The following TAF4 variants were observed in gnomAD, a reference collection of about 807,000 sequenced individuals.
TAF4 encodes TATA-box binding protein associated factor 4.
TAF4 carries 9 observed loss-of-function variants against 90.3 expected under a neutral mutation model. The ratio of observed to expected loss-of-function variants is 0.10; its 90% CI spans 0.06 to 0.17. The LOEUF is 0.17. TAF4 is among the 10% of genes least tolerant of loss of function. TAF4 has a pLI of 1.00. For missense variants in TAF4, 1,351 were observed against 1,370.7 expected, an observed-to-expected ratio of 0.99 and a Z score of 0.23; for synonymous variants, 818 against 638.9, an observed-to-expected ratio of 1.28 and a Z score of -4.23.
intron 9 of TAF4, among the ~76,000 whole-genome samples, chr20:62,002,179 T>A (rs2055709795): frequency 6.6e-6 from 1 of 152,184 alleles, no homozygotes. Flanking sequence ...CTAAGTGCCC[T>A]CCCTTCTCAC....
At chr20:62,056,311 A>G (rs1659753024) in intron 1 of TAF4, among the ~76,000 whole-genome samples, 2 of 152,358 alleles carry the variant, frequency 1.3e-5, no homozygotes, top group South Asian at 2.1e-4. Flanking sequence ...CAACATCCAC[A>G]TGAACGAGGT....
chr20:61,979,712 T>A (rs1209182245), intron 14 of TAF4, among the ~76,000 whole-genome samples: 1 of 147,454 alleles, frequency 6.8e-6, no homozygotes, highest in Admixed American at 6.7e-5. Flanking sequence ...CCAGAGGGAC[T>A]GTGGCCCGTG....
rs1173320571 is a variant in TAF4, at chr20:62,065,465, G to A, written c.346C>T (p.Pro116Ser). The change falls in exon 1 of 15, where the codon CCC (proline) becomes TCC (serine). Residue 116 changes from proline to serine, a missense_variant. Pro to Ser is a moderately conservative substitution (Grantham distance 74). This residue lies in a region of TAF4 where 782 missense variants were observed against 536.6 expected (regional missense o/e 1.46). Transcript: ENST00000252996. ...GCGGCGGGCGGCGCGGGCCCTGCGG[G>A]GACAAGGGGGCGGCGCGGTGAGGGG... is the stretch of plus-strand genomic sequence containing the variant. ...GPPSPRRPLV[P>S]AGPAPPAAKL... The A allele has an allele frequency of 7.2e-6, 7 of 976,214 alleles. No individual in the cohort carries two copies. Among genetic ancestry groups the A allele is most frequent in the African/African-American group, 1.8e-5 (1 of 56,154 alleles). 60.5% of individuals were successfully genotyped at this position (976,214 alleles called of 1,614,324 possible). A position where few individuals can be genotyped will look rare whatever the true frequency, so the allele number is the denominator to read the frequency against.
chr20:61,984,123 A>T (rs528486548), intron 14 of TAF4, among the ~76,000 whole-genome samples: 31 of 152,352 alleles, frequency 2.0e-4, no homozygotes, highest in Admixed American at 7.8e-4. Context: ...CTAAGCCAGC[A>T]GCCGGAAGAC....
chr20:62,052,049 C>T (rs956560462), intron 1 of TAF4, among the ~76,000 whole-genome samples: 4 of 152,166 alleles, frequency 2.6e-5, no homozygotes, highest in Non-Finnish European at 5.9e-5. Context: ...GCCACCTTCC[C>T]CTTCTGCGTC....
chr20:62,063,125 G>A (rs1457053244), intron 1 of TAF4, among the ~76,000 whole-genome samples: 1 of 152,078 alleles, frequency 6.6e-6, no homozygotes, highest in East Asian at 1.9e-4. Context: ...CAGCAACCCC[G>A]GGAAGTAGCT....
chr20:61,997,078 G>A (rs2055667935), intron 14 of TAF4, among the ~76,000 whole-genome samples: 1 of 152,092 alleles, frequency 6.6e-6, no homozygotes, highest in Non-Finnish European at 1.5e-5. Context: ...GTCAAGGCTG[G>A]GTTTATAATT....
intron 14 of TAF4, among the ~76,000 whole-genome samples, chr20:61,976,797 G>A (rs1386026161): frequency 6.6e-6 from 1 of 152,218 alleles, no homozygotes; most frequent in Non-Finnish European, 1.5e-5. Flanking sequence ...CTGGGACTGG[G>A]CATGCTGGGT....
At chr20:61,979,540 G>A (rs1225940481) in intron 14 of TAF4, among the ~76,000 whole-genome samples, 6 of 145,422 alleles carry the variant, frequency 4.1e-5, no homozygotes, top group African/African-American at 1.0e-4. Flanking sequence ...CCGTGCAGGC[G>A]CCATGGCCAC....
At chr20:62,055,690 G>T (rs566115627) in intron 1 of TAF4, among the ~76,000 whole-genome samples, 1 of 152,340 alleles carries the variant, frequency 6.6e-6, no homozygotes, top group South Asian at 2.1e-4. Flanking sequence ...GGTCCCAGCT[G>T]CATGTGGCTG....
rs1198278771 is a variant in TAF4 at position 62,012,888 on chromosome 20, A to G, written c.1568T>C (p.Ile523Thr). ...CTGGGCCTGAGACACTTGCTTAATT[A>G]TGGTAGTTGGGGTCACCTGCCGTGC... is the stretch of plus-strand genomic sequence containing the variant. ...IIARQVTPTTIIKQVSQAQTT... is the reference protein window; with the variant it reads ...IIARQVTPTTTIKQVSQAQTT... The change falls in exon 3 of 15, where the codon ATA (isoleucine) becomes ACA (threonine). Residue 523 changes from isoleucine to threonine, a missense_variant. Ile to Thr is a moderately conservative substitution (Grantham distance 89). Transcript: ENST00000252996. The G allele has an allele frequency of 1.2e-6, 2 of 1,614,084 alleles. No homozygotes were observed. The highest frequency in any genetic ancestry group is 2.2e-5 in the South Asian group (2 of 91,080).
chr20:62,047,096 C>G (rs1384454251), intron 1 of TAF4, among the ~76,000 whole-genome samples: 2 of 152,196 alleles, frequency 1.3e-5, no homozygotes, highest in Non-Finnish European at 2.9e-5. Flanking sequence ...CCTATTAGTT[C>G]ATGCTACTTG....
chr20:61,990,847 C>T (rs1349344279), intron 14 of TAF4, among the ~76,000 whole-genome samples: 1 of 152,188 alleles, frequency 6.6e-6, no homozygotes, highest in Non-Finnish European at 1.5e-5. Flanking sequence ...GGGAAAGTAA[C>T]CACAGAGGAG....
intron 1 of TAF4, among the ~76,000 whole-genome samples, chr20:62,043,512 C>A (rs2145504887): frequency 6.6e-6 from 1 of 152,180 alleles, no homozygotes; most frequent in South Asian, 2.1e-4. Context: ...CATAGAGTGC[C>A]CCAGAGCCTA....
chr20:62,050,845 G>C (rs1415365565), intron 1 of TAF4, among the ~76,000 whole-genome samples: 1 of 151,816 alleles, frequency 6.6e-6, no homozygotes, highest in Non-Finnish European at 1.5e-5. Context: ...TGGCCCCCCA[G>C]AACAAGGCAT....
intron 7 of TAF4, among the ~76,000 whole-genome samples, chr20:62,004,149 C>A (rs1188660382): frequency 6.6e-6 from 1 of 152,150 alleles, no homozygotes; most frequent in Non-Finnish European, 1.5e-5. Flanking sequence ...CTAGAAGCTG[C>A]CCCTGGGCAT....
chr20:61,986,921 G>A (rs561607511), intron 14 of TAF4, among the ~76,000 whole-genome samples: 7 of 152,342 alleles, frequency 4.6e-5, no homozygotes, highest in African/African-American at 9.6e-5. Flanking sequence ...CACTGGCAGC[G>A]TCCTTGCGAA....
At chr20:62,011,262 A>T (rs539968196) in intron 3 of TAF4, among the ~76,000 whole-genome samples, 1 of 152,324 alleles carries the variant, frequency 6.6e-6, no homozygotes, top group Non-Finnish European at 1.5e-5. Context: ...AAAAGGACAC[A>T]CCAAGCTGCT....
At chr20:62,053,666 G>C (rs1328977656) in intron 1 of TAF4, among the ~76,000 whole-genome samples, 1 of 152,218 alleles carries the variant, frequency 6.6e-6, no homozygotes, top group African/African-American at 2.4e-5. Context: ...GTGAACGTTT[G>C]TTGACCAACC....
Sources: gnomAD v4.1 joint callset for allele counts (sites outside exome capture counted in the v4.1 genomes callset) on GRCh38, gnomAD v4.1.1 for gene constraint, gnomAD v4.1.1 regional missense constraint, MANE v1.5 for transcripts, NCBI Gene and HGNC (gene_info 2026-07-23, HGNC 2026-07-21) for gene names.